KCNMB2: variants seen among roughly 807,000 people sequenced by gnomAD.
KCNMB2 encodes calcium-activated potassium channel subunit beta-2.
KCNMB2 carries 9 observed loss-of-function variants against 24.5 expected under a neutral mutation model. That is an observed-to-expected ratio of 0.37 (90% CI 0.22 to 0.64). KCNMB2 has a LOEUF of 0.64. Among genes scored for constraint, KCNMB2 ranks in the 30% least tolerant of loss-of-function variants. The pLI, the probability that KCNMB2 is intolerant of heterozygous loss-of-function variation, is 0.63. For synonymous variants in KCNMB2, 109 were observed against 104.4 expected, an observed-to-expected ratio of 1.04 and a Z score of -0.27; for missense variants, 226 against 284.3, an observed-to-expected ratio of 0.79 and a Z score of 1.47.
chr3:178,562,153 T>G (rs934714046), intron 1 of KCNMB2, among the ~76,000 whole-genome samples: 4 of 152,252 alleles, frequency 2.6e-5, no homozygotes, highest in African/African-American at 9.6e-5. Context: ...CTGTGTTATC[T>G]TCATTAATGA....
At chr3:178,563,381 T>A (rs1178649061) in intron 1 of KCNMB2, among the ~76,000 whole-genome samples, 1 of 152,282 alleles carries the variant, frequency 6.6e-6, no homozygotes, top group South Asian at 2.1e-4. Flanking sequence ...GTTTCTGTGG[T>A]GGGTAGCTGG....
chr3:178,577,516 G>C (rs1265858040), intron 1 of KCNMB2, among the ~76,000 whole-genome samples: 1 of 152,184 alleles, frequency 6.6e-6, no homozygotes, highest in Non-Finnish European at 1.5e-5. Context: ...GACAGAGAAT[G>C]AGTTTGATGA....
At chr3:178,603,587 G>A (rs919769989) in intron 1 of KCNMB2, among the ~76,000 whole-genome samples, 4 of 152,156 alleles carry the variant, frequency 2.6e-5, no homozygotes, top group Admixed American at 6.6e-5. Context: ...TTTCCAGGAG[G>A]AGATGATGCT....
At chr3:178,575,962 G>A (rs767535327) in intron 1 of KCNMB2, among the ~76,000 whole-genome samples, 9 of 152,030 alleles carry the variant, frequency 5.9e-5, no homozygotes, top group Non-Finnish European at 1.0e-4. Flanking sequence ...TAAGTCAGAA[G>A]TTTGTCCCAG....
At chr3:178,757,996 T>C (rs1724220653) in intron 1 of KCNMB2, among the ~76,000 whole-genome samples, 1 of 2,244 alleles carries the variant, frequency 4.5e-4, no homozygotes, top group Non-Finnish European at 1.0e-3. Flanking sequence ...TATATATATA[T>C]ATCTAGATAT....
intron 4 of KCNMB2, among the ~76,000 whole-genome samples, chr3:178,828,944 T>A (rs796938392): frequency 0.069 from 9,983 of 144,552 alleles, 445 homozygotes; most frequent in Middle Eastern, 0.14. Flanking sequence ...TGTGTGTGTG[T>A]GTGTGTGTGT....
chr3:178,654,864 G>C (rs1449327402), intron 1 of KCNMB2, among the ~76,000 whole-genome samples: 2 of 152,166 alleles, frequency 1.3e-5, no homozygotes, highest in Admixed American at 6.5e-5. Context: ...ATAGGTTCAA[G>C]TTTTGGCTCC....
chr3:178,794,736 C>T lies in KCNMB2; in HGVS notation c.-67-12607C>T, dbSNP rs184462949. Among the ~76,000 whole-genome samples the T allele has an allele frequency of 7.2e-5, 11 of 152,298 alleles. No individual in the cohort carries two copies. The East Asian group carries it at 1.9e-3, about 27-fold the overall frequency. On this transcript the variant is annotated intron_variant, in intron 1 of 4. Transcript: ENST00000452583. ...AAGAATGACATGATGTACCCAAAAC[C>T]CTCTGTCTTGCTGGAAAGGAGGGCT...
At chr3:178,666,333 T>A (rs1033495477) in intron 1 of KCNMB2, among the ~76,000 whole-genome samples, 1 of 152,074 alleles carries the variant, frequency 6.6e-6, no homozygotes, top group South Asian at 2.1e-4. Context: ...AGTTTAGTGA[T>A]AAGCATGTAA....
chr3:178,696,827 T>C lies in KCNMB2; in HGVS notation c.-67-110516T>C, dbSNP rs1332254028. Among the ~76,000 whole-genome samples the C allele has an allele frequency of 2.0e-5, 3 of 150,778 alleles. No individual in the cohort carries two copies. In the East Asian group the frequency reaches 5.8e-4, roughly 29 times the overall value. On this transcript the variant is annotated intron_variant, in intron 1 of 4. Transcript: ENST00000452583. ...TTGTTCTCAAAAGTAAATAATGATATTATTTACCAAAAAGTAAATTACTTT... is the reference window on the plus strand; with the variant it reads ...TTGTTCTCAAAAGTAAATAATGATACTATTTACCAAAAAGTAAATTACTTT...
chr3:178,552,067 G>A (rs116640945), intron 1 of KCNMB2, among the ~76,000 whole-genome samples: 1 of 152,290 alleles, frequency 6.6e-6, no homozygotes, highest in African/African-American at 2.4e-5. Context: ...ACAAACGTCT[G>A]GGGCAGCTAA....
chr3:178,728,463 C>T (rs1261529606), intron 1 of KCNMB2, among the ~76,000 whole-genome samples: 2 of 152,134 alleles, frequency 1.3e-5, no homozygotes, highest in African/African-American at 4.8e-5. Context: ...TCAAGCAATG[C>T]TGCCCGTGAC....
chr3:178,743,464 G>A (rs997833228), intron 1 of KCNMB2, among the ~76,000 whole-genome samples: 10 of 152,128 alleles, frequency 6.6e-5, no homozygotes, highest in African/African-American at 2.4e-4. Context: ...AATTTTCCCT[G>A]AGAAAAAGCA....
chr3:178,600,269 T>A (rs1324893166), intron 1 of KCNMB2, among the ~76,000 whole-genome samples: 1 of 152,186 alleles, frequency 6.6e-6, no homozygotes, highest in African/African-American at 2.4e-5. Context: ...AGGCTGAATA[T>A]TCCATTGTGT....
chr3:178,731,465 C>T (rs971931957), intron 1 of KCNMB2, among the ~76,000 whole-genome samples: 5 of 152,148 alleles, frequency 3.3e-5, no homozygotes, highest in African/African-American at 1.2e-4. Flanking sequence ...TGGGAAGAAA[C>T]ATATTGTCCC....
intron 1 of KCNMB2, among the ~76,000 whole-genome samples, chr3:178,538,105 G>A (rs1466052307): frequency 6.6e-6 from 1 of 152,126 alleles, no homozygotes; most frequent in Non-Finnish European, 1.5e-5. Flanking sequence ...TATATATACT[G>A]TAATCCACAT....
rs751958989 is a variant in KCNMB2, at chr3:178,842,649, A to G, written c.424-4A>G. ...CTAGTAACAGTTTATCTTATTCTCC[A>G]CAGTGCTCCTATATACCTAAATGTG... On this transcript the variant is annotated splice_region_variant and splice_polypyrimidine_tract_variant and intron_variant, in intron 4 of 4. Coordinates refer to ENST00000452583, the MANE Select transcript of KCNMB2 (RefSeq NM_181361.3). 6 of 1,585,826 alleles carry G rather than the reference A, an allele frequency of 3.8e-6. No individual in the cohort carries two copies. The Admixed American group carries it at 1.0e-4, about 27-fold the overall frequency.
intron 1 of KCNMB2, among the ~76,000 whole-genome samples, chr3:178,743,414 C>G (rs1037035779): frequency 6.6e-6 from 1 of 152,188 alleles, no homozygotes; most frequent in African/African-American, 2.4e-5. Flanking sequence ...GATACAGAGG[C>G]TCAGAGATAC....
chr3:178,747,914 C>T (rs1281073412), intron 1 of KCNMB2, among the ~76,000 whole-genome samples: 1 of 152,216 alleles, frequency 6.6e-6, no homozygotes, highest in Non-Finnish European at 1.5e-5. Context: ...AGGAAAGTTA[C>T]TTGGTTGAAA....
Sources: gnomAD v4.1 joint callset for allele counts (sites outside exome capture counted in the v4.1 genomes callset) on GRCh38, gnomAD v4.1.1 for gene constraint, MANE v1.5 for transcripts, NCBI Gene and HGNC (gene_info 2026-07-23, HGNC 2026-07-21) for gene names.